Variants in ARID1B observed in about 807,000 individuals in gnomAD.
The protein encoded by ARID1B is AT-rich interactive domain-containing protein 1B.
A neutral mutation model predicts 212.3 loss-of-function variants in ARID1B; 30 were observed. That is an observed-to-expected ratio of 0.14 (90% CI 0.11 to 0.19). The LOEUF (loss-of-function observed/expected upper bound fraction) is 0.19, where lower values mean the gene tolerates loss of function less well. Ranked by LOEUF, ARID1B falls within the 10% of genes least tolerant of loss-of-function variation. The probability of loss-of-function intolerance (pLI) is 1.00; values close to 1 mark genes in which losing one functional copy is unlikely to be tolerated. For missense variants in ARID1B, 2,891 were observed against 3,204.0 expected (o/e 0.90, Z 2.36); for synonymous variants, 1,402 against 1,301.7 (o/e 1.08, Z -1.66).
At chr6:157,114,093 A>G (rs1787142436) in intron 6 of ARID1B, among the ~76,000 whole-genome samples, 1 of 152,196 alleles carries the variant, frequency 6.6e-6, no homozygotes, top group Non-Finnish European at 1.5e-5. Flanking sequence ...GAAATTCCCC[A>G]AAATTCATTC....
chr6:157,013,729 A>G (rs568507287), intron 4 of ARID1B, among the ~76,000 whole-genome samples: 126 of 152,252 alleles, frequency 8.3e-4, no homozygotes, highest in South Asian at 2.9e-3. Flanking sequence ...TTTTTTCTGT[A>G]CTGACTAGAA....
intron 12 of ARID1B, among the ~76,000 whole-genome samples, chr6:157,181,435 A>G (rs1033275250): frequency 2.6e-5 from 4 of 152,286 alleles, no homozygotes; most frequent in Middle Eastern, 3.4e-3. Flanking sequence ...AGCGGGCCAG[A>G]CTAGATTTTC....
chr6:156,877,727 T>C (rs1402678124), intron 2 of ARID1B, among the ~76,000 whole-genome samples: 3 of 151,294 alleles, frequency 2.0e-5, no homozygotes, highest in African/African-American at 7.3e-5. Context: ...TTTTTTTAAG[T>C]GAGACAGAGT....
At chr6:157,178,701 G>C (rs1199773269) in intron 11 of ARID1B, among the ~76,000 whole-genome samples, 8 of 148,912 alleles carry the variant, frequency 5.4e-5, no homozygotes, top group Non-Finnish European at 1.2e-4. Flanking sequence ...AACAAATTGA[G>C]ATAGGCACAA....
intron 3 of ARID1B, among the ~76,000 whole-genome samples, chr6:156,911,342 T>G (rs1004975150): frequency 2.9e-5 from 4 of 135,980 alleles, no homozygotes; most frequent in East Asian, 1.9e-4. Flanking sequence ...TAATTAGTTT[T>G]TTTTTTTTTT....
intron 4 of ARID1B, among the ~76,000 whole-genome samples, chr6:157,038,615 T>A (rs1781490041): frequency 6.6e-6 from 1 of 152,190 alleles, no homozygotes; most frequent in African/African-American, 2.4e-5. Flanking sequence ...TAAAAGAAAT[T>A]ATTCTAAATA....
chr6:157,039,882 TCTTCCTTCCTTCCTTCCTTC>T (rs146558678), intron 4 of ARID1B, among the ~76,000 whole-genome samples: 3 of 67,230 alleles, frequency 4.5e-5, no homozygotes, highest in Non-Finnish European at 6.2e-5. Flanking sequence ...CTTTCTTTTC[TCTTCCTTCCTTCCTTCCTTC>T]CTTCCTTCCT....
At chr6:156,792,016 T>A (rs1200783441) in intron 1 of ARID1B, among the ~76,000 whole-genome samples, 1 of 152,172 alleles carries the variant, frequency 6.6e-6, no homozygotes, top group Admixed American at 6.5e-5. Flanking sequence ...GCAGAAATCT[T>A]TAAAAAAAAG....
chr6:157,098,224 C>T (rs1432700540), intron 5 of ARID1B, among the ~76,000 whole-genome samples: 1 of 152,232 alleles, frequency 6.6e-6, no homozygotes, highest in Non-Finnish European at 1.5e-5. Context: ...TCTTACCTTA[C>T]ATCAAAGCGA....
At chr6:157,093,648 T>C (rs1785425732) in intron 5 of ARID1B, among the ~76,000 whole-genome samples, 1 of 152,196 alleles carries the variant, frequency 6.6e-6, no homozygotes, top group Non-Finnish European at 1.5e-5. Flanking sequence ...AAACAGAAAG[T>C]GACATGGGAG....
chr6:157,024,891 A>C (rs900809093), intron 4 of ARID1B: 1 of 152,244 alleles, frequency 6.6e-6, no homozygotes, highest in Non-Finnish European at 1.5e-5. Context: ...TTTCTGAGCT[A>C]TAAGAAAAAG....
chr6:157,067,023 A>G (rs772780839), intron 4 of ARID1B, among the ~76,000 whole-genome samples: 9 of 152,150 alleles, frequency 5.9e-5, no homozygotes, highest in Non-Finnish European at 1.0e-4. Context: ...TTTCCTGTGT[A>G]TGAAATGCAG....
chr6:156,806,429 CACATTTCACAAAAAT>C (rs1485464752), intron 1 of ARID1B, among the ~76,000 whole-genome samples: 1 of 152,180 alleles, frequency 6.6e-6, no homozygotes, highest in Non-Finnish European at 1.5e-5. Context: ...CTTCTAAAAA[CACATTTCACAAAAAT>C]ACATTTCACA....
chr6:156,874,121 G>C (rs990291419), intron 2 of ARID1B, among the ~76,000 whole-genome samples: 1 of 152,178 alleles, frequency 6.6e-6, no homozygotes, highest in Non-Finnish European at 1.5e-5. Flanking sequence ...CTGTCACCAG[G>C]CTGGAGTGTA....
chr6:157,161,618 G>T (rs1237526870), intron 8 of ARID1B, among the ~76,000 whole-genome samples: 1 of 152,090 alleles, frequency 6.6e-6, no homozygotes, highest in African/African-American at 2.4e-5. Context: ...AGAAGAGTTT[G>T]TGTTTATAAA....
chr6:157,113,637 A>G (rs1787101174), intron 6 of ARID1B, among the ~76,000 whole-genome samples: 1 of 152,122 alleles, frequency 6.6e-6, no homozygotes, highest in African/African-American at 2.4e-5. Context: ...CACCCCCATG[A>G]TCCAATAACC....
chr6:157,049,163 A>C, intron 4 of ARID1B, among the ~76,000 whole-genome samples: 1 of 142,714 alleles, frequency 7.0e-6, no homozygotes, highest in Admixed American at 7.3e-5. Context: ...ACAGAGCAAG[A>C]CTCAGTCTGG....
chr6:157,038,806 A>G (rs1367506046), intron 4 of ARID1B, among the ~76,000 whole-genome samples: 2 of 152,150 alleles, frequency 1.3e-5, no homozygotes, highest in Admixed American at 6.5e-5. Context: ...CAGCAACGTT[A>G]TAGAAGATTA....
chr6:156,846,609 A>G (rs1309494413), intron 2 of ARID1B, among the ~76,000 whole-genome samples: 2 of 152,048 alleles, frequency 1.3e-5, no homozygotes, highest in Non-Finnish European at 2.9e-5. Context: ...AGACCCTAAC[A>G]TGCTGCTATC....
Sources: allele counts gnomAD v4.1 joint callset (sites outside exome capture counted in the v4.1 genomes callset), GRCh38; gene constraint gnomAD v4.1.1; transcripts MANE v1.5; gene names NCBI Gene and HGNC (gene_info 2026-07-23, HGNC 2026-07-21).